RALGPS1: variants seen among roughly 807,000 people sequenced by gnomAD.
RALGPS1 encodes the protein Ral GEF with PH domain and SH3 binding motif 1.
RALGPS1 carries 19 observed loss-of-function variants against 78.8 expected under a neutral mutation model. The observed-to-expected ratio is 0.24, with a 90% CI of 0.17 to 0.35. RALGPS1 has a LOEUF of 0.35. Among genes scored for constraint, RALGPS1 ranks in the 10% least tolerant of loss-of-function variants. The pLI, the probability that RALGPS1 is intolerant of heterozygous loss-of-function variation, is 1.00. For synonymous variants in RALGPS1, 228 were observed against 256.3 expected (o/e 0.89, Z 1.06); for missense variants, 454 against 688.3 (o/e 0.66, Z 3.81).
At chr9:126,947,752 G>A (rs1214897450) in intron 1 of RALGPS1, among the ~76,000 whole-genome samples, 1 of 152,152 alleles carries the variant, frequency 6.6e-6, no homozygotes, top group Admixed American at 6.5e-5. Context: ...TTACCCTGGT[G>A]GGGGTGGGGT....
At chr9:126,948,737 C>T (rs10739687) in intron 1 of RALGPS1, among the ~76,000 whole-genome samples, 26,281 of 151,844 alleles carry the variant, frequency 0.17, 2,991 homozygotes, top group East Asian at 0.44. Context: ...AATTCAGCTC[C>T]GTAAACATAG....
chr9:126,931,530 C>T (rs149631261), intron 1 of RALGPS1, among the ~76,000 whole-genome samples: 105 of 152,210 alleles, frequency 6.9e-4, no homozygotes, highest in African/African-American at 2.2e-3. Context: ...GTCCACATAC[C>T]GTATGATTCT....
chr9:127,082,201 C>G (rs1191816726), intron 8 of RALGPS1, among the ~76,000 whole-genome samples: 2 of 152,168 alleles, frequency 1.3e-5, no homozygotes, highest in African/African-American at 4.8e-5. Flanking sequence ...CTGGTGACTG[C>G]CAGAGCATCC....
chr9:127,123,124 G>A (rs965252050), intron 8 of RALGPS1, among the ~76,000 whole-genome samples: 1 of 152,222 alleles, frequency 6.6e-6, no homozygotes, highest in Non-Finnish European at 1.5e-5. Flanking sequence ...GGGCAGCTCA[G>A]CCCAGAGCGC....
intron 8 of RALGPS1, among the ~76,000 whole-genome samples, chr9:127,079,272 C>G (rs1174014508): frequency 1.3e-5 from 2 of 152,170 alleles, no homozygotes; most frequent in Non-Finnish European, 2.9e-5. Context: ...TCTTATTGTC[C>G]TCTTGTACCT....
At chr9:127,115,400 C>T (rs892179719) in intron 8 of RALGPS1, among the ~76,000 whole-genome samples, 2 of 152,076 alleles carry the variant, frequency 1.3e-5, no homozygotes, top group African/African-American at 2.4e-5. Flanking sequence ...ATGCTGGTTG[C>T]GGTCTTATGT....
chr9:126,915,658 C>T (rs2034075215), intron 1 of RALGPS1, among the ~76,000 whole-genome samples: 1 of 152,028 alleles, frequency 6.6e-6, no homozygotes, highest in Admixed American at 6.5e-5. Flanking sequence ...GCTTGGAGCT[C>T]AGCTGCCCTG....
intron 5 of RALGPS1, among the ~76,000 whole-genome samples, chr9:127,045,785 ACACACACACAC>A (rs2047714819): frequency 6.8e-6 from 1 of 147,256 alleles, no homozygotes; most frequent in African/African-American, 2.5e-5. Context: ...ACACACACAC[ACACACACACAC>A]AATTTCTTGG....
At chr9:126,938,473 C>T (rs2036468002) in intron 1 of RALGPS1, among the ~76,000 whole-genome samples, 2 of 152,128 alleles carry the variant, frequency 1.3e-5, no homozygotes, top group South Asian at 2.1e-4. Flanking sequence ...GAGGCCATGA[C>T]CCTGGTCTCT....
chr9:127,032,240 G>C (rs1045338477), intron 4 of RALGPS1, among the ~76,000 whole-genome samples: 2 of 152,234 alleles, frequency 1.3e-5, no homozygotes, highest in African/African-American at 2.4e-5. Flanking sequence ...GCATTGTGCA[G>C]CTGGTGTGTG....
chr9:126,929,038 C>A (rs1343781936), intron 1 of RALGPS1, among the ~76,000 whole-genome samples: 2 of 152,242 alleles, frequency 1.3e-5, no homozygotes, highest in East Asian at 3.9e-4. Context: ...GGATAAGGTG[C>A]TTAGCAAAGT....
At chr9:126,951,794 A>G (rs951489635) in intron 1 of RALGPS1, among the ~76,000 whole-genome samples, 1 of 152,232 alleles carries the variant, frequency 6.6e-6, no homozygotes, top group Non-Finnish European at 1.5e-5. Context: ...ACTCCTATTC[A>G]ACATAGTGTT....
intron 9 of RALGPS1, 134 bp downstream of exon 9, chr9:127,166,340 C>T (rs1185073375): frequency 9.5e-6 from 10 of 1,053,772 alleles, no homozygotes; most frequent in Non-Finnish European, 1.4e-5. Context: ...CAAACATGTA[C>T]TAGATCCTTT....
chr9:127,015,809 C>A (rs990471812), intron 4 of RALGPS1, among the ~76,000 whole-genome samples: 1 of 152,024 alleles, frequency 6.6e-6, no homozygotes, highest in African/African-American at 2.4e-5. Flanking sequence ...TCTTCTCCTG[C>A]CCTGGACATC....
intron 4 of RALGPS1, among the ~76,000 whole-genome samples, chr9:127,006,074 G>A (rs2043814286): frequency 6.6e-6 from 1 of 152,138 alleles, no homozygotes; most frequent in Non-Finnish European, 1.5e-5. Flanking sequence ...AGTAATAATA[G>A]CCATCTATGA....
chr9:127,077,543 C>A (rs912161299), intron 8 of RALGPS1, among the ~76,000 whole-genome samples: 1 of 152,176 alleles, frequency 6.6e-6, no homozygotes, highest in African/African-American at 2.4e-5. Flanking sequence ...GAGTGGTGGC[C>A]GTTGCCCCCT....
At chr9:127,142,758 G>A (rs1013408353) in intron 8 of RALGPS1, among the ~76,000 whole-genome samples, 23 of 152,234 alleles carry the variant, frequency 1.5e-4, no homozygotes, top group African/African-American at 5.3e-4. Flanking sequence ...CTTTGAGCTT[G>A]TTGACTCTTT....
intron 8 of RALGPS1, among the ~76,000 whole-genome samples, chr9:127,118,009 C>T (rs34748769): frequency 2.3e-3 from 349 of 152,310 alleles, no homozygotes; most frequent in Non-Finnish European, 3.4e-3. Flanking sequence ...AGAGAATGGA[C>T]TGACACAATA....
At chr9:127,172,613 C>T (rs1460393074) in intron 10 of RALGPS1, among the ~76,000 whole-genome samples, 1 of 152,226 alleles carries the variant, frequency 6.6e-6, no homozygotes, top group Non-Finnish European at 1.5e-5. Context: ...CGGCAACCTC[C>T]ATCTTGTTCA....
Sources: gnomAD v4.1 joint callset for allele counts (sites outside exome capture counted in the v4.1 genomes callset) on GRCh38, gnomAD v4.1.1 for gene constraint, MANE v1.5 for transcripts, NCBI Gene and HGNC (gene_info 2026-07-23, HGNC 2026-07-21) for gene names.